Variants in TRPS1 observed in about 807,000 individuals in gnomAD.
TRPS1 encodes the protein transcriptional repressor GATA binding 1.
TRPS1 carries 6 observed loss-of-function variants against 101.2 expected under a neutral mutation model. The observed-to-expected ratio is 0.06, with a 90% CI of 0.03 to 0.12. The LOEUF (loss-of-function observed/expected upper bound fraction) is 0.12. TRPS1 is among the 10% of genes least tolerant of loss of function. TRPS1 has a pLI of 1.00. For synonymous variants in TRPS1, 578 were observed against 589.8 expected (o/e 0.98, Z 0.29); for missense variants, 1,363 against 1,567.0 (o/e 0.87, Z 2.20).
chr8:115,477,068 C>T (rs1814624805), intron 5 of TRPS1, among the ~76,000 whole-genome samples: 1 of 152,154 alleles, frequency 6.6e-6, no homozygotes, highest in Non-Finnish European at 1.5e-5. Context: ...GTATCCTCTT[C>T]ATCCACATCC....
chr8:115,575,312 T>C (rs1195912634), intron 5 of TRPS1, among the ~76,000 whole-genome samples: 1 of 152,124 alleles, frequency 6.6e-6, no homozygotes, highest in Non-Finnish European at 1.5e-5. Context: ...TACGCTGCTA[T>C]AAAACAGCGT....
chr8:115,572,028 T>C (rs377118231), intron 5 of TRPS1, among the ~76,000 whole-genome samples: 11 of 152,148 alleles, frequency 7.2e-5, no homozygotes, highest in African/African-American at 2.7e-4. Context: ...ACAATTAAAT[T>C]TTTATTTTAG....
intron 5 of TRPS1, among the ~76,000 whole-genome samples, chr8:115,487,525 G>A (rs1256975368): frequency 6.6e-6 from 1 of 152,132 alleles, no homozygotes; most frequent in African/African-American, 2.4e-5. Context: ...TTCAAAAAAG[G>A]ATTCACCACT....
chr8:115,416,359 G>C (rs879269957), intron 6 of TRPS1, among the ~76,000 whole-genome samples: 3 of 151,468 alleles, frequency 2.0e-5, no homozygotes, highest in African/African-American at 7.3e-5. Flanking sequence ...CGTATTTATA[G>C]GTTAAAAATT....
intron 1 of TRPS1, among the ~76,000 whole-genome samples, chr8:115,646,742 G>A (rs1819033363): frequency 1.3e-5 from 2 of 152,098 alleles, no homozygotes; most frequent in Non-Finnish European, 2.9e-5. Context: ...ACGGCAAACT[G>A]TAGTTATTAA....
At chr8:115,642,330 C>T (rs1983541) in intron 1 of TRPS1, among the ~76,000 whole-genome samples, 76,298 of 151,168 alleles carry the variant, frequency 0.5, 22,736 homozygotes, top group African/African-American at 0.83. Flanking sequence ...AACAGAAACA[C>T]ACAGATGGAC....
intron 5 of TRPS1, among the ~76,000 whole-genome samples, chr8:115,586,220 C>G (rs1817557177): frequency 2.0e-5 from 3 of 152,168 alleles, no homozygotes; most frequent in Non-Finnish European, 4.4e-5. Context: ...TCTTAGGCAT[C>G]GAGCAACTAT....
intron 5 of TRPS1, among the ~76,000 whole-genome samples, chr8:115,434,414 A>G (rs905768259): frequency 6.6e-6 from 1 of 152,194 alleles, no homozygotes; most frequent in African/African-American, 2.4e-5. Context: ...ATCCCTGAAT[A>G]TTAGCAAAGA....
chr8:115,568,942 T>A (rs532410905), intron 5 of TRPS1, among the ~76,000 whole-genome samples: 1 of 152,112 alleles, frequency 6.6e-6, no homozygotes, highest in Non-Finnish European at 1.5e-5. Context: ...ATGTCTTCCA[T>A]AGGCATCATA....
intron 5 of TRPS1, among the ~76,000 whole-genome samples, chr8:115,570,615 T>C (rs1817178304): frequency 6.6e-6 from 1 of 151,830 alleles, no homozygotes; most frequent in Non-Finnish European, 1.5e-5. Flanking sequence ...CATATCTTTG[T>C]TCTACTGTGT....
At chr8:115,474,176 C>T (rs1371017846) in intron 5 of TRPS1, among the ~76,000 whole-genome samples, 21 of 152,120 alleles carry the variant, frequency 1.4e-4, no homozygotes, top group African/African-American at 5.1e-4. Context: ...TATTTCCCTG[C>T]TAGCATTTAA....
intron 5 of TRPS1, among the ~76,000 whole-genome samples, chr8:115,446,285 T>C (rs1813732920): frequency 6.6e-6 from 1 of 151,864 alleles, no homozygotes; most frequent in Non-Finnish European, 1.5e-5. Flanking sequence ...CTTCTATTTA[T>C]TACTCTTCGC....
intron 5 of TRPS1, among the ~76,000 whole-genome samples, chr8:115,523,253 G>A (rs895706269): frequency 2.6e-5 from 4 of 152,128 alleles, no homozygotes; most frequent in Non-Finnish European, 4.4e-5. Context: ...TGATAAATCA[G>A]AAGGGCTTAA....
chr8:115,539,355 T>C lies in TRPS1; in HGVS notation c.2700+47646A>G, dbSNP rs139139390. Among the ~76,000 whole-genome samples the C allele has an allele frequency of 9.4e-3, 1,431 of 152,372 alleles. 22 individuals carry two copies. The highest frequency in any genetic ancestry group is 0.033 in the African/African-American group (1,370 of 41,588). On this transcript the variant is annotated intron_variant, in intron 5 of 6. Transcript: ENST00000395715. ...TTTCTGGGCTCTAACTCAATCTATTTAGCTTCAGCTATCTAATTTTTGCAC... is the reference window on the plus strand; with the variant it reads ...TTTCTGGGCTCTAACTCAATCTATTCAGCTTCAGCTATCTAATTTTTGCAC...
intron 5 of TRPS1, among the ~76,000 whole-genome samples, chr8:115,482,266 AAGTCCT>A (rs1344301600): frequency 8.5e-5 from 13 of 152,208 alleles, no homozygotes; most frequent in Non-Finnish European, 1.9e-4. Context: ...TAGTTGTTTA[AAGTCCT>A]AGCTTGCTGC....
intron 5 of TRPS1, among the ~76,000 whole-genome samples, chr8:115,552,385 A>G (rs193138319): frequency 2.0e-5 from 3 of 152,316 alleles, no homozygotes; most frequent in Admixed American, 6.5e-5. Context: ...TCTTTAAAAA[A>G]AATGAAAAGA....
At chr8:115,625,458 T>C (rs2737220) in intron 1 of TRPS1, among the ~76,000 whole-genome samples, 96,818 of 151,612 alleles carry the variant, frequency 0.64, 31,177 homozygotes, top group East Asian at 0.84. Context: ...TGAAAGACTA[T>C]AGAACAGCAA....
At chr8:115,514,783 G>A (rs1363919534) in intron 5 of TRPS1, among the ~76,000 whole-genome samples, 4 of 151,402 alleles carry the variant, frequency 2.6e-5, no homozygotes, top group Admixed American at 6.6e-5. Context: ...AAAAAAACCA[G>A]CTTAATAACT....
chr8:115,625,608 T>C (rs1259394453), intron 1 of TRPS1, among the ~76,000 whole-genome samples: 1 of 151,926 alleles, frequency 6.6e-6, no homozygotes, highest in Non-Finnish European at 1.5e-5. Context: ...ATGACTTTAA[T>C]TTTATTATTT....
Sources: gnomAD v4.1 joint callset for allele counts (sites outside exome capture counted in the v4.1 genomes callset) on GRCh38, gnomAD v4.1.1 for gene constraint, MANE v1.5 for transcripts, NCBI Gene and HGNC (gene_info 2026-07-23, HGNC 2026-07-21) for gene names.